RBPJ: variants seen among roughly 807,000 people sequenced by gnomAD.
The protein encoded by RBPJ is recombining binding protein suppressor of hairless.
A neutral mutation model predicts 67.8 loss-of-function variants in RBPJ; 9 were observed. The observed-to-expected ratio is 0.13, with a 90% CI of 0.08 to 0.23. RBPJ has a LOEUF of 0.23. Among genes scored for constraint, RBPJ ranks in the 10% least tolerant of loss-of-function variants. The pLI is 1.00. For synonymous variants in RBPJ, 198 were observed against 203.3 expected (o/e 0.97, Z 0.22); for missense variants, 305 against 595.6 (o/e 0.51, Z 5.08).
At chr4:26,319,398 C>G (rs1002042547), upstream of RBPJ, among the ~76,000 whole-genome samples, 1 of 152,188 alleles carries the variant, frequency 6.6e-6, no homozygotes, top group East Asian at 1.9e-4. Context: ...GTCTCCTCCC[C>G]CGCCGCCCTC....
At chr4:26,341,637 A>AC (rs1725545135) in intron 1 of RBPJ, among the ~76,000 whole-genome samples, 1 of 152,146 alleles carries the variant, frequency 6.6e-6, no homozygotes, top group African/African-American at 2.4e-5. Flanking sequence ...ACAAAACAAA[A>AC]AAAAACCAAA....
At chr4:26,153,284 A>G in the RBPJ span, among the ~76,000 whole-genome samples, 1 of 152,230 alleles carries the variant, frequency 6.6e-6, no homozygotes, top group African/African-American at 2.4e-5. Context: ...CATAAGTGTG[A>G]ATTTTAAGGT....
intron 1 of RBPJ, chr4:26,362,577 A>G (rs1364960340): frequency 1.9e-6 from 3 of 1,613,436 alleles, no homozygotes; most frequent in Admixed American, 3.3e-5. Context: ...AAGTGTTCCA[A>G]GCTGTGACTT....
chr4:26,361,880 T>G (rs1168801572), intron 1 of RBPJ, among the ~76,000 whole-genome samples: 1 of 152,202 alleles, frequency 6.6e-6, no homozygotes, highest in Non-Finnish European at 1.5e-5. Flanking sequence ...ACCTGCCAAG[T>G]CAATCAGAGA....
At chr4:26,210,727 C>CTTTCCTTCTTTCCTCCTTTA (rs1718371547) in intron 1 of RBPJ, among the ~76,000 whole-genome samples, 1 of 61,776 alleles carries the variant, frequency 1.6e-5, no homozygotes, top group Non-Finnish European at 3.3e-5. Flanking sequence ...TTCTTTCTTT[C>CTTTCCTTCTTTCCTCCTTTA]CTTCTTTACT....
At chr4:26,338,596 G>A (rs907412135) in intron 1 of RBPJ, among the ~76,000 whole-genome samples, 13 of 129,392 alleles carry the variant, frequency 1.0e-4, no homozygotes, top group African/African-American at 3.6e-4. Context: ...TTTTTTTTGA[G>A]ATAGAGTCTC....
At chr4:26,214,646 G>A (rs200571558) in intron 1 of RBPJ, among the ~76,000 whole-genome samples, 1 of 99,756 alleles carries the variant, frequency 1.0e-5, no homozygotes, top group African/African-American at 4.4e-5. Context: ...AAAGAAAAAA[G>A]AAAGAGAAAA....
chr4:26,196,461 G>A (rs987941724), intron 1 of RBPJ, among the ~76,000 whole-genome samples: 1 of 152,130 alleles, frequency 6.6e-6, no homozygotes, highest in Non-Finnish European at 1.5e-5. Flanking sequence ...CTGCTCGTGG[G>A]TATGGGATTC....
At chr4:26,404,091 C>T (rs1218195228) in intron 2 of RBPJ, among the ~76,000 whole-genome samples, 2 of 152,258 alleles carry the variant, frequency 1.3e-5, no homozygotes, top group South Asian at 2.1e-4. Context: ...GATGGTGTCT[C>T]ATTGTGATTT....
At chr4:26,340,702 A>G (rs987669037) in intron 1 of RBPJ, among the ~76,000 whole-genome samples, 13 of 152,018 alleles carry the variant, frequency 8.6e-5, no homozygotes, top group Non-Finnish European at 4.4e-5. Context: ...TACTAAAAAT[A>G]TAATAAATTA....
upstream of RBPJ, among the ~76,000 whole-genome samples, chr4:26,160,547 C>T (rs778804375): frequency 8.5e-5 from 13 of 152,186 alleles, no homozygotes; most frequent in Non-Finnish European, 1.6e-4. Context: ...GATGCAGTAA[C>T]AAACACCCCC....
At chr4:26,336,859 A>C (rs993032569) in intron 1 of RBPJ, among the ~76,000 whole-genome samples, 1 of 152,212 alleles carries the variant, frequency 6.6e-6, no homozygotes, top group South Asian at 2.1e-4. Context: ...TATCCTTTCA[A>C]AGTTAAAAAT....
At position 26,424,886 on chromosome 4, in the gene RBPJ, T is replaced by C; in HGVS notation, c.747+143T>C. 1.8e-6 allele frequency: 1 copy of C among 562,476 alleles called. No homozygotes were observed. The allele number at this position is 562,476 out of a possible 1,614,324, so 34.8% of individuals were successfully genotyped here. A position where few individuals can be genotyped will look rare whatever the true frequency, so the allele number is the denominator to read the frequency against. ...AGGTATGTTAGTAATCAGTGCTGTT[T>C]ATAATTGACAGTTATGCTCTACCTT... On this transcript the variant is annotated intron_variant, in intron 7 of 10. Transcript: ENST00000355476. The surrounding 1 kb of genome is among the most constrained non-coding windows in gnomAD (Gnocchi z 5.3).
intron 1 of RBPJ, among the ~76,000 whole-genome samples, chr4:26,309,244 T>C (rs1475458493): frequency 6.6e-6 from 1 of 152,154 alleles, no homozygotes; most frequent in African/African-American, 2.4e-5. Context: ...CTCAAACTCC[T>C]GGGCATAAGC....
Position 26,339,849 on chromosome 4 carries a change from G to T in RBPJ, c.20+18801G>T, listed in dbSNP as rs559599268. ...AGCCTGGCCAACATGGTGAAACCCTGTGTCTACAAAAATACAAAAATTAGC... is the reference window on the plus strand; with the variant it reads ...AGCCTGGCCAACATGGTGAAACCCTTTGTCTACAAAAATACAAAAATTAGC... On this transcript the variant is annotated intron_variant, in intron 1 of 10. Coordinates refer to ENST00000355476, the MANE Select transcript of RBPJ (RefSeq NM_015874.6). 5.9e-5 allele frequency among the ~76,000 whole-genome samples: 9 copies of T among 152,218 alleles called. No individual in the cohort carries two copies. In the East Asian group the frequency reaches 1.5e-3, roughly 26 times the overall value.
chr4:26,337,712 G>T (rs1159539067), intron 1 of RBPJ, among the ~76,000 whole-genome samples: 1 of 138,628 alleles, frequency 7.2e-6, no homozygotes, highest in African/African-American at 2.7e-5. Flanking sequence ...TGAAGGACAG[G>T]GTCTCACTCT....
At chr4:26,295,728 T>C (rs968792281) in intron 1 of RBPJ, among the ~76,000 whole-genome samples, 2 of 152,150 alleles carry the variant, frequency 1.3e-5, no homozygotes, top group African/African-American at 4.8e-5. Flanking sequence ...ATTTGGGACT[T>C]GGATGAGGGC....
At position 26,430,082 on chromosome 4, in the gene RBPJ, C is replaced by T; in HGVS notation, c.1044+29C>T. 3 of 1,609,700 alleles carry T rather than the reference C, an allele frequency of 1.9e-6. No individual in the cohort carries two copies. The highest frequency in any genetic ancestry group is 8.5e-7 in the Non-Finnish European group (1 of 1,176,542). On this transcript the variant is annotated intron_variant, in intron 9 of 10. Coordinates refer to ENST00000355476, the MANE Select transcript of RBPJ (RefSeq NM_015874.6). The surrounding 1 kb of genome is among the most constrained non-coding windows in gnomAD (Gnocchi z 4.1). The stretch of plus-strand genomic sequence containing the variant: ...AGAACGCCTAGTCCAAGTTGGCCTT[C>T]AGCTCTTTGCAGCTACTCTCAGCTG...
chr4:26,248,589 A>T (rs1720001491), intron 1 of RBPJ, among the ~76,000 whole-genome samples: 1 of 152,220 alleles, frequency 6.6e-6, no homozygotes, highest in Non-Finnish European at 1.5e-5. Context: ...CAAAAAAGGG[A>T]AAATAAACTA....
Sources: gnomAD v4.1 joint callset for allele counts (sites outside exome capture counted in the v4.1 genomes callset) on GRCh38, gnomAD v4.1.1 for gene constraint, Gnocchi (gnomAD v3.1) non-coding constraint, MANE v1.5 for transcripts, NCBI Gene and HGNC (gene_info 2026-07-23, HGNC 2026-07-21) for gene names.